Variants in SPHK1 observed in about 807,000 individuals in gnomAD.
SPHK1 encodes SK 1.
SPHK1 carries 10 observed loss-of-function variants against 14.6 expected under a neutral mutation model. That is an observed-to-expected ratio of 0.68 (90% CI 0.42 to 1.16). SPHK1 has a LOEUF of 1.16. Ranked by LOEUF, SPHK1 falls within the 50% of genes most tolerant of loss-of-function variation. The pLI, the probability that SPHK1 is intolerant of heterozygous loss-of-function variation, is 0.00. For missense variants in SPHK1, 553 were observed against 525.4 expected (o/e 1.05, Z -0.51); for synonymous variants, 274 against 224.0 (o/e 1.22, Z -1.99).
Position 76,386,288 on chromosome 17 carries a change from C to A in SPHK1, c.231C>A (p.Val77=), listed in dbSNP as rs745613744. ...EELGRWDALV[V]MSGDGLMHEV... ...TGGGCCGCTGGGACGCTCTGGTGGT[C>A]ATGTCTGGAGACGGGCTGATGCACG... is the stretch of plus-strand genomic sequence containing the variant. The change falls in exon 4 of 6, where the codon GTC becomes GTA. Residue 77 remains valine (V), a synonymous_variant. Coordinates refer to ENST00000592299, the MANE Select transcript of SPHK1 (RefSeq NM_001142601.2). This position sits in a 1 kb window ranked among gnomAD's most constrained non-coding sequence, Gnocchi z 5.3. The A allele has an allele frequency of 6.2e-7, 1 of 1,602,050 alleles. No homozygotes were observed. Among genetic ancestry groups the A allele is most frequent in the African/African-American group, 1.3e-5 (1 of 74,992 alleles).
rs1183726598 is a variant in SPHK1, at chr17:76,385,701, C to T, written c.10+47C>T. 3 of 1,500,474 alleles carry T rather than the reference C, an allele frequency of 2.0e-6. No homozygotes were observed. Among genetic ancestry groups the T allele is most frequent in the Middle Eastern group, 1.7e-4 (1 of 5,908 alleles). The allele number at this position is 1,500,474 out of a possible 1,614,324, so 92.9% of individuals were successfully genotyped here. ...AAGGGCTGTAGGGGGATTCCTGTTC[C>T]TCGCCAGGAATGATGGAACGCCCAG... On this transcript the variant is annotated intron_variant, in intron 2 of 5. Transcript: ENST00000592299. The surrounding 1 kb of genome is among the most constrained non-coding windows in gnomAD (Gnocchi z 5.3).
chr17:76,384,431 G>C (rs1038846815), upstream of SPHK1: 5 of 150,332 alleles, frequency 3.3e-5, no homozygotes, highest in African/African-American at 1.2e-4. Flanking sequence ...GACGAGCGGC[G>C]GGGGCGCGCT....
In SPHK1 at chr17:76,387,169, C is replaced by T. The variant is rs762161277; in HGVS notation, c.738C>T (p.Pro246=). 1.2e-6 allele frequency: 2 copies of T among 1,613,290 alleles called. No homozygotes were observed. The highest frequency in any genetic ancestry group is 1.1e-5 in the South Asian group (1 of 91,070). Residue 246 remains proline, a synonymous_variant, in exon 6 of 6, where the codon CCC becomes CCT. Coordinates refer to ENST00000592299, the MANE Select transcript of SPHK1 (RefSeq NM_001142601.2). This position sits in a 1 kb window ranked among gnomAD's most constrained non-coding sequence, Gnocchi z 4.1. The part of the protein sequence containing the change: ...AHLVPLEEPV[P]SHWTVVPDED... ...TTGTGCCACTGGAGGAGCCAGTGCCCTCTCACTGGACAGTGGTGCCCGACG... is the reference window on the plus strand; with the variant it reads ...TTGTGCCACTGGAGGAGCCAGTGCCTTCTCACTGGACAGTGGTGCCCGACG...
chr17:76,385,634 G>T lies in SPHK1; in HGVS notation c.-11G>T. The T allele has an allele frequency of 6.5e-7, 1 of 1,538,264 alleles. No homozygotes were observed. The highest frequency in any genetic ancestry group is 1.4e-5 in the African/African-American group (1 of 73,344). On this transcript the variant is annotated 5_prime_UTR_variant, in exon 2 of 6. Transcript: ENST00000592299. This position sits in a 1 kb window ranked among gnomAD's most constrained non-coding sequence, Gnocchi z 5.3. The stretch of plus-strand genomic sequence containing the variant: ...GGGACCCCCTGGCAGCGGGAGCCGC[G>T]GGTCGAGGTTATGGATCCAGGTTTG...
In SPHK1 at chr17:76,385,486, G is replaced by A. The variant is rs346803; in HGVS notation, c.-159G>A. The A allele has an allele frequency of 0.88, 1,378,273 of 1,559,412 alleles. 609,864 individuals carry two copies. Among genetic ancestry groups the A allele is most frequent in the East Asian group, 1 (42,671 of 42,698 alleles). ...CGCAGGGAATGACGCCGGTGCTCCTGCAGCCACGGCTCCGGGCGGGGAAGG... is the reference window on the plus strand; with the variant it reads ...CGCAGGGAATGACGCCGGTGCTCCTACAGCCACGGCTCCGGGCGGGGAAGG... On this transcript the variant is annotated 5_prime_UTR_variant, in exon 2 of 6. Transcript: ENST00000592299. This position sits in a 1 kb window ranked among gnomAD's most constrained non-coding sequence, Gnocchi z 5.3.
At position 76,385,099 on chromosome 17, in the gene SPHK1, C is replaced by T; in HGVS notation, c.-195+293C>T. On this transcript the variant is annotated intron_variant, in intron 1 of 5. Transcript: ENST00000592299. The surrounding 1 kb of genome is among the most constrained non-coding windows in gnomAD (Gnocchi z 5.3). ...AGGGATCCTCTCCCAGAACTTCGTG[C>T]CCAGCAATGTCCGCTCAAGTTCTGG... 6.4e-7 allele frequency: 1 copy of T among 1,565,296 alleles called. No homozygotes were observed. Among genetic ancestry groups the T allele is most frequent in the Non-Finnish European group, 8.7e-7 (1 of 1,154,848 alleles).
Position 76,387,559 on chromosome 17 carries a change from G to A in SPHK1, c.1128G>A (p.Gln376=). The A allele has an allele frequency of 1.9e-6, 3 of 1,601,886 alleles. No homozygotes were observed. The highest frequency in any genetic ancestry group is 2.6e-6 in the Non-Finnish European group (3 of 1,175,836). ...CCCCGCCCAGCTGGAAGCCCCAGCA[G>A]ATGCCACCGCCAGAAGAGCCCTTAT... ...VEPPPSWKPQ[Q]MPPPEEPL Residue 376 remains glutamine (Q), a synonymous_variant, in exon 6 of 6, where the codon CAG becomes CAA. Coordinates refer to ENST00000592299, the MANE Select transcript of SPHK1 (RefSeq NM_001142601.2). This position sits in a 1 kb window ranked among gnomAD's most constrained non-coding sequence, Gnocchi z 4.1.
chr17:76,387,460 A>T lies in SPHK1; in HGVS notation c.1029A>T (p.Glu343Asp), dbSNP rs1437191614. Residue 343 changes from glutamate to aspartate, a missense_variant, in exon 6 of 6, where the codon GAA (glutamate) becomes GAT (aspartate). Glu to Asp is a conservative substitution (Grantham distance 45). Coordinates refer to ENST00000592299, the MANE Select transcript of SPHK1 (RefSeq NM_001142601.2). The surrounding 1 kb of genome is among the most constrained non-coding windows in gnomAD (Gnocchi z 4.1). ...AAGGTGTGTTTGCAGTGGATGGGGA[A>T]TTGATGGTTAGCGAGGCCGTGCAGG... ...DGKGVFAVDGELMVSEAVQGQ... is the reference protein window; with the variant it reads ...DGKGVFAVDGDLMVSEAVQGQ... 1 of 1,613,474 alleles carries T rather than the reference A, an allele frequency of 6.2e-7. No homozygotes were observed. Among genetic ancestry groups the T allele is most frequent in the East Asian group, 2.2e-5 (1 of 44,864 alleles).
rs1330045079 is a variant in SPHK1 at position 76,385,168 on chromosome 17, G to A, written c.-194-283G>A. On this transcript the variant is annotated intron_variant, in intron 1 of 5. Coordinates refer to ENST00000592299, the MANE Select transcript of SPHK1 (RefSeq NM_001142601.2). This position sits in a 1 kb window ranked among gnomAD's most constrained non-coding sequence, Gnocchi z 5.3. ...CTCCCCTCCCCCTGGCAGCCCCGAG[G>A]GGTGAGGAGCTAGTCCGTCGGAGGG... The A allele has an allele frequency of 6.3e-7, 1 of 1,590,706 alleles. No homozygotes were observed. Among genetic ancestry groups the A allele is most frequent in the East Asian group, 2.3e-5 (1 of 43,922 alleles).
At chr17:76,383,252 C>A (rs2071895941), upstream of SPHK1, 1 of 151,648 alleles carries the variant, frequency 6.6e-6, no homozygotes, top group Non-Finnish European at 1.5e-5. Context: ...GGGGACTGCC[C>A]GGGGGCCGCG....
Position 76,387,295 on chromosome 17 carries a change from C to A in SPHK1, c.864C>A (p.Phe288Leu). 1.2e-6 allele frequency: 2 copies of A among 1,613,718 alleles called. No homozygotes were observed. Among genetic ancestry groups the A allele is most frequent in the South Asian group, 1.1e-5 (1 of 91,082 alleles). The change falls in exon 6 of 6, where the codon TTC becomes TTA. Residue 288 changes from phenylalanine (F) to leucine (L), a missense_variant. Coordinates refer to ENST00000592299, the MANE Select transcript of SPHK1 (RefSeq NM_001142601.2). This position sits in a 1 kb window ranked among gnomAD's most constrained non-coding sequence, Gnocchi z 4.1. ...GRCAAGVMHL[F>L]YVRAGVSRAM... ...GTGCAGCTGGCGTCATGCATCTGTTCTACGTGCGGGCGGGAGTGTCTCGTG... is the reference window on the plus strand; with the variant it reads ...GTGCAGCTGGCGTCATGCATCTGTTATACGTGCGGGCGGGAGTGTCTCGTG...
Position 76,387,363 on chromosome 17 carries a change from ATATGGAG to A in SPHK1, c.937_943del (p.Glu313AsnfsTer30). On this transcript the variant is annotated frameshift_variant, in exon 6 of 6. Transcript: ENST00000592299. LOFTEE classifies it low-confidence loss of function (END_TRUNC). The surrounding 1 kb of genome is among the most constrained non-coding windows in gnomAD (Gnocchi z 4.1). ...TTCCTGGCCATGGAGAAGGGCAGGCATATGGAGTATGAATGCCCCTACTTGGTATATG... is the reference window on the plus strand; with the variant it reads ...TTCCTGGCCATGGAGAAGGGCAGGCATATGAATGCCCCTACTTGGTATATG... 6.2e-7 allele frequency: 1 copy of A among 1,613,852 alleles called. No homozygotes were observed.
At position 76,386,989 on chromosome 17, in the gene SPHK1, T is replaced by C. The variant is rs1316852644; in HGVS notation, c.558T>C (p.Arg186=). 7 of 1,613,568 alleles carry C rather than the reference T, an allele frequency of 4.3e-6. No homozygotes were observed. The highest frequency in any genetic ancestry group is 5.1e-6 in the Non-Finnish European group (6 of 1,179,950). ...DVDLESEKYR[R]LGEMRFTLGT... ...ACCTAGAGAGTGAGAAGTATCGGCG[T>C]CTGGGGGAGATGCGCTTCACTCTGG... The change falls in exon 6 of 6, where the codon CGT becomes CGC. Residue 186 remains arginine (R), a synonymous_variant. Coordinates refer to ENST00000592299, the MANE Select transcript of SPHK1 (RefSeq NM_001142601.2). This position sits in a 1 kb window ranked among gnomAD's most constrained non-coding sequence, Gnocchi z 5.3.
At position 76,387,221 on chromosome 17, in the gene SPHK1, C is replaced by T. The variant is rs749055421; in HGVS notation, c.790C>T (p.Leu264=). 6.2e-7 allele frequency: 1 copy of T among 1,613,068 alleles called. No individual in the cohort carries two copies. The highest frequency in any genetic ancestry group is 1.1e-5 in the South Asian group (1 of 91,012). The stretch of plus-strand genomic sequence containing the variant: ...GGACTTTGTGCTAGTCCTGGCACTG[C>T]TGCACTCGCACCTGGGCAGTGAGAT... ...DEDFVLVLAL[L]HSHLGSEMFA... is the part of the protein sequence containing the mutation. Residue 264 remains leucine, a synonymous_variant, in exon 6 of 6, where the codon CTG becomes TTG. Transcript: ENST00000592299. The surrounding 1 kb of genome is among the most constrained non-coding windows in gnomAD (Gnocchi z 4.1).
chr17:76,384,258 A>C (rs994364326), upstream of SPHK1: 2 of 152,234 alleles, frequency 1.3e-5, no homozygotes, highest in Non-Finnish European at 2.9e-5. Flanking sequence ...GCTCGCTCCG[A>C]CACGAGTTCG....
upstream of SPHK1, chr17:76,383,651 C>T (rs2071907056): frequency 3.4e-5 from 12 of 357,358 alleles, no homozygotes; most frequent in South Asian, 2.4e-4. Flanking sequence ...GCAACTTCTT[C>T]CTCCGTCTCC....
In SPHK1 at chr17:76,384,636, C is replaced by T. The variant is rs1276857256; in HGVS notation, c.-365C>T. ...TGCCCTCCCCGCTCCGCGGCGCCGG[C>T]TGCGAAGTTGAGCGAAAAGTTTGAG... On this transcript the variant is annotated 5_prime_UTR_variant, in exon 1 of 6. Transcript: ENST00000592299. The T allele has an allele frequency of 6.6e-6, 1 of 152,550 alleles. No homozygotes were observed. Among genetic ancestry groups the T allele is most frequent in the Non-Finnish European group, 1.5e-5 (1 of 68,328 alleles). The allele number at this position is 152,550 out of a possible 1,614,324, so 9.4% of individuals were successfully genotyped here. A position where few individuals can be genotyped will look rare whatever the true frequency, so the allele number is the denominator to read the frequency against.
In SPHK1 at chr17:76,384,761, T is replaced by C. The variant is rs185714589; in HGVS notation, c.-240T>C. 1.1e-4 allele frequency: 24 copies of C among 209,890 alleles called. No individual in the cohort carries two copies. The Admixed American group carries it at 1.2e-3, about 11-fold the overall frequency. 13.0% of individuals were successfully genotyped at this position (209,890 alleles called of 1,614,324 possible). A position where few individuals can be genotyped will look rare whatever the true frequency, so the allele number is the denominator to read the frequency against. Reference sequence around the variant, plus strand: ...CGAGCTGCGTTCCGCCCCAGGCCACTGTAGGGAACGGCGGTGGCGCCTCCC... The same window carrying C: ...CGAGCTGCGTTCCGCCCCAGGCCACCGTAGGGAACGGCGGTGGCGCCTCCC... On this transcript the variant is annotated 5_prime_UTR_variant, in exon 1 of 6. Transcript: ENST00000592299.
chr17:76,383,763 G>A, upstream of SPHK1: 3 of 1,085,150 alleles, frequency 2.8e-6, no homozygotes, highest in South Asian at 3.9e-5. Context: ...CGTCCCTACT[G>A]GCCTCCAAAG....
Sources: allele counts gnomAD v4.1 joint callset, GRCh38; gene constraint gnomAD v4.1.1; non-coding constraint Gnocchi (gnomAD v3.1); transcripts MANE v1.5; gene names NCBI Gene and HGNC (gene_info 2026-07-23, HGNC 2026-07-21).